DOCK5: variants seen among roughly 807,000 people sequenced by gnomAD.
DOCK5 encodes the protein dedicator of cytokinesis protein 5.
In DOCK5, 142 loss-of-function variants were observed where a neutral mutation model predicts 251.8. The ratio of observed to expected loss-of-function variants is 0.56; its 90% confidence interval spans 0.49 to 0.65. The LOEUF (loss-of-function observed/expected upper bound fraction) is 0.65, where lower values mean the gene tolerates loss of function less well. Among genes scored for constraint, DOCK5 ranks in the 30% least tolerant of loss-of-function variants. The pLI is 0.00. For synonymous variants in DOCK5, 842 were observed against 835.5 expected (o/e 1.01, Z -0.13); for missense variants, 2,111 against 2,312.3 (o/e 0.91, Z 1.79).
intron 25 of DOCK5, 35 bp from the exon 26 acceptor site, chr8:25,345,440 T>G: frequency 6.2e-7 from 1 of 1,610,634 alleles, no homozygotes; most frequent in Non-Finnish European, 8.5e-7. Context: ...GAGGTGGCAC[T>G]GCTGTGTGTG....
intron 2 of DOCK5, among the ~76,000 whole-genome samples, chr8:25,249,044 G>A (rs936899868): frequency 3.9e-5 from 6 of 152,090 alleles, no homozygotes; most frequent in Non-Finnish European, 7.4e-5. Flanking sequence ...TGTCCCCCAG[G>A]CTGGAATGCA....
intron 1 of DOCK5, 109 bp from the exon 2 acceptor site, chr8:25,243,565 A>G (rs553802115): frequency 3.3e-5 from 33 of 989,036 alleles, no homozygotes; most frequent in Admixed American, 8.6e-5. Context: ...TCCTGACCTC[A>G]TGATCCACCC....
chr8:25,191,450 T>A (rs1041606762), intron 1 of DOCK5, among the ~76,000 whole-genome samples: 3 of 152,242 alleles, frequency 2.0e-5, no homozygotes, highest in Non-Finnish European at 2.9e-5. Context: ...AAACATGTAT[T>A]GGATTTATCA....
intron 14 of DOCK5, among the ~76,000 whole-genome samples, chr8:25,318,743 C>T (rs1177719263): frequency 6.6e-6 from 1 of 151,942 alleles, no homozygotes; most frequent in Non-Finnish European, 1.5e-5. Flanking sequence ...TGCTGAACTC[C>T]ACCTCTTCTC....
chr8:25,296,096 A>G (rs11135860), intron 6 of DOCK5, among the ~76,000 whole-genome samples: 19,879 of 152,262 alleles, frequency 0.13, 1,552 homozygotes, highest in Admixed American at 0.25. Flanking sequence ...CTAGGATTAC[A>G]GACGTGAACC....
intron 42 of DOCK5, 87 bp from the exon 43 acceptor site, chr8:25,391,809 C>A: frequency 8.6e-7 from 1 of 1,162,734 alleles, no homozygotes; most frequent in Non-Finnish European, 1.2e-6. Flanking sequence ...TCAGACCAGG[C>A]AGATGTGTTA....
At chr8:25,261,760 C>T (rs1803588402) in intron 2 of DOCK5, among the ~76,000 whole-genome samples, 1 of 152,106 alleles carries the variant, frequency 6.6e-6, no homozygotes. Context: ...TATCTTTATC[C>T]ACACAGTTCC....
intron 49 of DOCK5, 150 bp from the exon 50 acceptor site, chr8:25,408,652 G>A: frequency 1.2e-6 from 1 of 810,894 alleles, no homozygotes; most frequent in Non-Finnish European, 2.0e-6. Flanking sequence ...TGCCTGTTCG[G>A]TGTTGCCCAT....
intron 11 of DOCK5, among the ~76,000 whole-genome samples, chr8:25,305,612 T>C (rs1804897202): frequency 1.3e-5 from 2 of 152,244 alleles, no homozygotes; most frequent in Middle Eastern, 3.4e-3. Flanking sequence ...TTGTAATATA[T>C]AAAGAATTAA....
intron 1 of DOCK5, among the ~76,000 whole-genome samples, chr8:25,187,404 T>C (rs896053252): frequency 6.7e-6 from 1 of 149,752 alleles, no homozygotes; most frequent in African/African-American, 2.5e-5. Context: ...GTGTAAAATA[T>C]TTGGATTGCA....
Position 25,374,601 on chromosome 8 carries a change from G to A in DOCK5, c.3763G>A (p.Glu1255Lys), listed in dbSNP as rs760931038. The A allele has an allele frequency of 3.7e-6, 6 of 1,612,838 alleles. No individual in the cohort carries two copies. The Admixed American group carries it at 1.0e-4, about 27-fold the overall frequency. ...YKLRDLHRDC[E>K]NYTEAAYTLL... The stretch of plus-strand genomic sequence containing the variant: ...GCTTCGAGATTTGCACCGAGACTGT[G>A]AGAACTACACAGAAGCTGCCTACAC... The change falls in exon 37 of 52, where the codon GAG (glutamate) becomes AAG (lysine). Residue 1255 changes from glutamate (E) to lysine (K), a missense_variant. Transcript: ENST00000276440.
rs549415609 is a variant in DOCK5, at chr8:25,323,900, C to G, written c.1668C>G (p.Asn556Lys). 10 of 1,613,328 alleles carry G rather than the reference C, an allele frequency of 6.2e-6. No individual in the cohort carries two copies. Among genetic ancestry groups the G allele is most frequent in the Non-Finnish European group, 8.5e-6 (10 of 1,179,704 alleles). The change falls in exon 17 of 52, where the codon AAC (asparagine) becomes AAG (lysine). Residue 556 changes from asparagine to lysine, a missense_variant. By Grantham distance (94) the Asn-to-Lys change is moderately conservative (BLOSUM62 0). Coordinates refer to ENST00000276440, the MANE Select transcript of DOCK5 (RefSeq NM_024940.8). The stretch of plus-strand genomic sequence containing the variant: ...GGGTGGCCTTCGTGAAGCTGATGAA[C>G]CCGGATGGCACCACTCTGCAGGATG... Reference protein sequence around the residue: ...AFGVAFVKLMNPDGTTLQDGR... With the variant: ...AFGVAFVKLMKPDGTTLQDGR...
chr8:25,327,424 G>A (rs1246440416), intron 18 of DOCK5, among the ~76,000 whole-genome samples: 2 of 152,098 alleles, frequency 1.3e-5, no homozygotes, highest in Admixed American at 6.6e-5. Context: ...TGAACATCTA[G>A]TAGATTATCC....
At chr8:25,347,276 G>T (rs1800387430) in intron 26 of DOCK5, among the ~76,000 whole-genome samples, 1 of 152,088 alleles carries the variant, frequency 6.6e-6, no homozygotes, top group African/African-American at 2.4e-5. Flanking sequence ...AGTATGTGAG[G>T]GTACCATTGC....
intron 27 of DOCK5, among the ~76,000 whole-genome samples, chr8:25,355,443 C>G (rs1246418470): frequency 6.6e-6 from 1 of 152,086 alleles, no homozygotes; most frequent in Non-Finnish European, 1.5e-5. Context: ...ATTTATTAAA[C>G]TAACCTGTTT....
At chr8:25,321,107 T>C in intron 16 of DOCK5, 55 bp downstream of exon 16, 4 of 1,463,054 alleles carry the variant, frequency 2.7e-6, no homozygotes, top group Non-Finnish European at 3.8e-6. Flanking sequence ...TTGCTCTGGC[T>C]TGACAGCCAT....
rs141305711 is a variant in DOCK5, at chr8:25,336,265, A to G, written c.2219A>G (p.Tyr740Cys). 3.4e-5 allele frequency: 55 copies of G among 1,613,706 alleles called. No homozygotes were observed. The highest frequency in any genetic ancestry group is 6.6e-5 in the South Asian group (6 of 91,056). Residue 740 changes from tyrosine to cysteine, a missense_variant, in exon 22 of 52, where the codon TAT becomes TGT. By Grantham distance (194) the Tyr-to-Cys change is radical. Transcript: ENST00000276440. ...AAACTCTCCAAGGTACTGAACTTCT[A>G]TGTGGCTAATGCAGATGACTCCAGC... ...YVKLSKVLNFYVANADDSSKT... is the reference protein window; with the variant it reads ...YVKLSKVLNFCVANADDSSKT...
rs748569520 is a variant in DOCK5 at position 25,372,598 on chromosome 8, C to T, written c.3564C>T (p.Ser1188=). The change falls in exon 35 of 52, where the codon AGC becomes AGT. Residue 1188 remains serine, a synonymous_variant. Coordinates refer to ENST00000276440, the MANE Select transcript of DOCK5 (RefSeq NM_024940.8). ...GCCGGAAACACAAATACCTCTCCAG[C>T]TCTGGGGAGGTCTTCGCCCTCCTGG... ...EHCRKHKYLS[S]SGEVFALLVS... 6.2e-7 allele frequency: 1 copy of T among 1,600,242 alleles called. No individual in the cohort carries two copies. Among genetic ancestry groups the T allele is most frequent in the South Asian group, 1.1e-5 (1 of 88,482 alleles).
In DOCK5 at chr8:25,408,027, C is replaced by T. The variant is rs2117347020; in HGVS notation, c.5138C>T (p.Ala1713Val). ...TTGGAGCGCAGGGCCTCGTCAGGTG[C>T]CAGAGTTGAAGATCTGTCCCTTAGA... ...PLLERRASSG[A>V]RVEDLSLREE... is the part of the protein sequence containing the mutation. The change falls in exon 49 of 52, where the codon GCC (alanine) becomes GTC (valine). Residue 1713 changes from alanine (A) to valine (V), a missense_variant. Transcript: ENST00000276440. 1 of 1,612,448 alleles carries T rather than the reference C, an allele frequency of 6.2e-7. No individual in the cohort carries two copies. The highest frequency in any genetic ancestry group is 8.5e-7 in the Non-Finnish European group (1 of 1,179,310).
Sources: allele counts gnomAD v4.1 joint callset (sites outside exome capture counted in the v4.1 genomes callset), GRCh38; gene constraint gnomAD v4.1.1; transcripts MANE v1.5; gene names NCBI Gene and HGNC (gene_info 2026-07-23, HGNC 2026-07-21).